Variants in NAALADL2 observed in about 807,000 individuals in gnomAD.
NAALADL2 encodes inactive N-acetylated-alpha-linked acidic dipeptidase-like protein 2.
Under a neutral mutation model 87.2 loss-of-function variants are expected in NAALADL2, and 76 were observed. The ratio of observed to expected loss-of-function variants is 0.87; its 90% CI spans 0.72 to 1.05. NAALADL2 has a LOEUF of 1.05. NAALADL2 is among the 50% of genes least tolerant of loss of function. The pLI is 0.00. For missense variants in NAALADL2, 1,089 were observed against 945.8 expected, an observed-to-expected ratio of 1.15 and a Z score of -1.99; for synonymous variants, 354 against 331.0, an observed-to-expected ratio of 1.07 and a Z score of -0.75.
intron 1 of NAALADL2, among the ~76,000 whole-genome samples, chr3:174,904,254 A>G (rs1732703705): frequency 6.6e-6 from 1 of 151,880 alleles, no homozygotes; most frequent in Admixed American, 6.6e-5. Flanking sequence ...GTGTTGAATA[A>G]TTATGATAAT....
intron 1 of NAALADL2, among the ~76,000 whole-genome samples, chr3:174,915,361 GA>G (rs1403469324): frequency 9.2e-5 from 14 of 152,110 alleles, no homozygotes; most frequent in Non-Finnish European, 8.8e-5. Context: ...TAGACATACT[GA>G]AGTTGCTGTC....
intron 1 of NAALADL2, among the ~76,000 whole-genome samples, chr3:174,500,485 T>C (rs1247322402): frequency 6.6e-6 from 1 of 152,172 alleles, no homozygotes; most frequent in Non-Finnish European, 1.5e-5. Context: ...ACCTCCAGTG[T>C]AATGTTATAT....
intron 2 of NAALADL2, among the ~76,000 whole-genome samples, chr3:174,639,197 G>T (rs1722936993): frequency 6.6e-6 from 1 of 152,088 alleles, no homozygotes; most frequent in South Asian, 2.1e-4. Flanking sequence ...TTATTTTCTG[G>T]TTGGCTTAAT....
intron 1 of NAALADL2, among the ~76,000 whole-genome samples, chr3:174,974,830 T>C (rs1744153963): frequency 6.6e-6 from 1 of 152,108 alleles, no homozygotes; most frequent in African/African-American, 2.4e-5. Context: ...GGCAAAATAT[T>C]GGAAGTATAT....
At chr3:175,259,767 G>A (rs575000723) in intron 4 of NAALADL2, among the ~76,000 whole-genome samples, 1 of 152,148 alleles carries the variant, frequency 6.6e-6, no homozygotes, top group Non-Finnish European at 1.5e-5. Context: ...AACCTGGCCG[G>A]TCATGGTGGC....
chr3:175,075,921 G>A (rs1450493680), intron 1 of NAALADL2, among the ~76,000 whole-genome samples: 2 of 152,124 alleles, frequency 1.3e-5, no homozygotes, highest in Non-Finnish European at 2.9e-5. Flanking sequence ...GCTCACTACT[G>A]TGTATAAAAT....
At chr3:175,621,167 G>C (rs1726183177) in intron 10 of NAALADL2, among the ~76,000 whole-genome samples, 1 of 152,138 alleles carries the variant, frequency 6.6e-6, no homozygotes, top group Admixed American at 6.5e-5. Context: ...TCTTTGGCTT[G>C]AAGGTCAGGT....
At chr3:175,435,864 T>C (rs968435078) in intron 5 of NAALADL2, among the ~76,000 whole-genome samples, 1 of 151,344 alleles carries the variant, frequency 6.6e-6, no homozygotes, top group African/African-American at 2.4e-5. Context: ...TTTTTTTTTT[T>C]TATACTTTAA....
At chr3:175,317,684 CA>C (rs533557493) in intron 4 of NAALADL2, among the ~76,000 whole-genome samples, 11 of 151,896 alleles carry the variant, frequency 7.2e-5, no homozygotes, top group Non-Finnish European at 1.5e-4. Flanking sequence ...AAGTAATTCT[CA>C]AAAAAATATG....
At chr3:174,617,805 TA>T (rs1166109325) in intron 2 of NAALADL2, among the ~76,000 whole-genome samples, 1 of 151,784 alleles carries the variant, frequency 6.6e-6, no homozygotes, top group Non-Finnish European at 1.5e-5. Flanking sequence ...GGAATGGACT[TA>T]TTTTTTTCCT....
chr3:175,690,074 G>T (rs931011564), intron 11 of NAALADL2, among the ~76,000 whole-genome samples: 3 of 151,964 alleles, frequency 2.0e-5, no homozygotes, highest in Non-Finnish European at 4.4e-5. Flanking sequence ...CATATAGAGA[G>T]TATAGATATA....
chr3:175,165,518 C>A (rs141098004), intron 2 of NAALADL2, among the ~76,000 whole-genome samples: 4 of 152,232 alleles, frequency 2.6e-5, no homozygotes, highest in African/African-American at 9.6e-5. Flanking sequence ...CTTACACTTA[C>A]ATTTGTGTAT....
At chr3:175,554,810 C>A (rs1715000516) in intron 9 of NAALADL2, among the ~76,000 whole-genome samples, 1 of 151,774 alleles carries the variant, frequency 6.6e-6, no homozygotes, top group Non-Finnish European at 1.5e-5. Flanking sequence ...AAATAATAAA[C>A]ACAGCTGTAT....
chr3:174,669,927 A>G (rs1377467774), intron 2 of NAALADL2, among the ~76,000 whole-genome samples: 9 of 151,902 alleles, frequency 5.9e-5, no homozygotes, highest in Non-Finnish European at 1.2e-4. Flanking sequence ...AATGTTTTCT[A>G]TCTTTTAGGG....
chr3:175,167,684 T>C (rs1213623556), intron 2 of NAALADL2, among the ~76,000 whole-genome samples: 2 of 152,048 alleles, frequency 1.3e-5, no homozygotes, highest in Non-Finnish European at 2.9e-5. Context: ...CTATAATCTT[T>C]GAATATACGT....
intron 2 of NAALADL2, among the ~76,000 whole-genome samples, chr3:174,622,171 A>C (rs1281999922): frequency 6.6e-6 from 1 of 152,174 alleles, no homozygotes; most frequent in East Asian, 1.9e-4. Context: ...AGTCTAGAAA[A>C]TGTTGCCTCT....
intron 9 of NAALADL2, among the ~76,000 whole-genome samples, chr3:175,571,895 A>G (rs1199831461): frequency 6.6e-6 from 1 of 152,226 alleles, no homozygotes; most frequent in Admixed American, 6.5e-5. Context: ...AGTTAGAAAC[A>G]AAAGCATGAA....
rs192385893 is a variant in NAALADL2, at chr3:174,582,379, G to T, written c.-115+31742G>T. 2.2e-4 allele frequency among the ~76,000 whole-genome samples: 33 copies of T among 152,198 alleles called. No homozygotes were observed. The East Asian group carries it at 5.8e-3, about 27-fold the overall frequency. ...GCTTCTATTTTCTTTTACAAAATTT[G>T]CACACTGTATTACCGGAAAGTGAAG... On this transcript the variant is annotated intron_variant, in intron 2 of 3. Transcript: ENST00000434257.
rs552581380 is a variant in NAALADL2, at chr3:175,020,708, T to G, written c.44-76082T>G. Among the ~76,000 whole-genome samples the G allele has an allele frequency of 2.0e-5, 3 of 152,184 alleles. No individual in the cohort carries two copies. The East Asian group carries it at 5.8e-4, about 29-fold the overall frequency. On this transcript the variant is annotated intron_variant, in intron 1 of 13. Transcript: ENST00000454872. The stretch of plus-strand genomic sequence containing the variant: ...CTTGGCTATTATCTCTAAATATCAC[T>G]TTGATTCTGCCATACCAGTTCAGAA...
Sources: allele counts gnomAD v4.1 joint callset (sites outside exome capture counted in the v4.1 genomes callset), GRCh38; gene constraint gnomAD v4.1.1; transcripts MANE v1.5; gene names NCBI Gene and HGNC (gene_info 2026-07-23, HGNC 2026-07-21).